The following GUCY1A1 variants were observed in gnomAD, a reference collection of about 807,000 sequenced individuals.
GUCY1A1 encodes guanylate cyclase 1 soluble subunit alpha 1.
Under a neutral mutation model 64.5 loss-of-function variants are expected in GUCY1A1, and 48 were observed. That is an observed-to-expected ratio of 0.74 (90% CI 0.59 to 0.95). GUCY1A1 has a LOEUF of 0.95. Ranked by LOEUF, GUCY1A1 falls within the 40% of genes least tolerant of loss-of-function variation. The pLI, the probability that GUCY1A1 is intolerant of heterozygous loss-of-function variation, is 0.00. For synonymous variants in GUCY1A1, 308 were observed against 303.4 expected, an observed-to-expected ratio of 1.02 and a Z score of -0.16; for missense variants, 804 against 825.3, an observed-to-expected ratio of 0.97 and a Z score of 0.32.
At chr4:155,724,123 C>T (rs1395443048) in intron 9 of GUCY1A1, among the ~76,000 whole-genome samples, 1 of 152,086 alleles carries the variant, frequency 6.6e-6, no homozygotes, top group African/African-American at 2.4e-5. Context: ...TCATCTCCTC[C>T]TTCTTTGTTC....
In GUCY1A1 at chr4:155,710,645, A is replaced by G. The variant is rs767132045; in HGVS notation, c.480A>G (p.Lys160=). The change falls in exon 6 of 10, where the codon AAA becomes AAG. Residue 160 remains lysine, a synonymous_variant. Coordinates refer to ENST00000506455, the MANE Select transcript of GUCY1A1 (RefSeq NM_001130682.3). The part of the protein sequence containing the change: ...NILGVVGGTL[K]DFLNSFSTLL... ...TTGGGGTGGTTGGAGGCACCCTTAAAGATTTTTTAAACAGCTTCAGTACCC... is the reference window on the plus strand; with the variant it reads ...TTGGGGTGGTTGGAGGCACCCTTAAGGATTTTTTAAACAGCTTCAGTACCC... The G allele has an allele frequency of 2.5e-6, 4 of 1,613,694 alleles. No homozygotes were observed. Among genetic ancestry groups the G allele is most frequent in the Non-Finnish European group, 3.4e-6 (4 of 1,179,726 alleles).
chr4:155,724,996 C>G (rs1263977074), intron 9 of GUCY1A1, among the ~76,000 whole-genome samples: 1 of 152,072 alleles, frequency 6.6e-6, no homozygotes, highest in Non-Finnish European at 1.5e-5. Flanking sequence ...ATCGACCTTA[C>G]AGTGATCATT....
intron 2 of GUCY1A1, among the ~76,000 whole-genome samples, chr4:155,671,582 C>A (rs1734147859): frequency 6.6e-6 from 1 of 152,112 alleles, no homozygotes; most frequent in Non-Finnish European, 1.5e-5. Flanking sequence ...AGCAGAGGAC[C>A]ATACTTTTTA....
chr4:155,705,410 A>G (rs576549703), intron 4 of GUCY1A1, among the ~76,000 whole-genome samples: 2 of 151,912 alleles, frequency 1.3e-5, no homozygotes, highest in African/African-American at 4.8e-5. Flanking sequence ...TTAGCCAGGC[A>G]TGGTGGCAGA....
At chr4:155,673,567 C>A (rs1381556185) in intron 2 of GUCY1A1, among the ~76,000 whole-genome samples, 3 of 151,200 alleles carry the variant, frequency 2.0e-5, no homozygotes, top group Non-Finnish European at 2.9e-5. Flanking sequence ...ATGTGGCAAA[C>A]AGTAGGAAGA....
At chr4:155,688,968 A>G (rs953422188) in intron 2 of GUCY1A1, among the ~76,000 whole-genome samples, 1 of 151,786 alleles carries the variant, frequency 6.6e-6, no homozygotes, top group Non-Finnish European at 1.5e-5. Flanking sequence ...TATGGAGACA[A>G]GAGAAAAATA....
intron 9 of GUCY1A1, among the ~76,000 whole-genome samples, chr4:155,727,026 T>C (rs1210325194): frequency 1.3e-5 from 2 of 152,026 alleles, no homozygotes; most frequent in East Asian, 1.9e-4. Flanking sequence ...TCTGAGCACA[T>C]TGTGCTAGAG....
chr4:155,721,845 G>A (rs1733991958), intron 8 of GUCY1A1, among the ~76,000 whole-genome samples, 193 bp from the exon 9 acceptor site: 1 of 152,136 alleles, frequency 6.6e-6, no homozygotes, highest in African/African-American at 2.4e-5. Flanking sequence ...GTTAAGAAGT[G>A]TGACTGTTGA....
chr4:155,673,981 A>C (rs1053276490), intron 2 of GUCY1A1, among the ~76,000 whole-genome samples: 1 of 151,466 alleles, frequency 6.6e-6, no homozygotes, highest in Non-Finnish European at 1.5e-5. Flanking sequence ...TTGTGGAGAG[A>C]GGTACCATTT....
At position 155,711,060 on chromosome 4, in the gene GUCY1A1, C is replaced by A. The variant is rs201665938; in HGVS notation, c.895C>A (p.Leu299Met). ...CATGTTTGACAAAGATATGACAATTCTGCAATTTGGCAATGGCATCAGAAG... is the reference window on the plus strand; with the variant it reads ...CATGTTTGACAAAGATATGACAATTATGCAATTTGGCAATGGCATCAGAAG... ...HFMFDKDMTI[L>M]QFGNGIRRLM... Residue 299 changes from leucine (L) to methionine (M), a missense_variant, in exon 6 of 10, where the codon CTG (leucine) becomes ATG (methionine). By Grantham distance (15) the Leu-to-Met change is conservative. Coordinates refer to ENST00000506455, the MANE Select transcript of GUCY1A1 (RefSeq NM_001130682.3). The A allele has an allele frequency of 1.2e-5, 19 of 1,613,958 alleles. No individual in the cohort carries two copies. Among genetic ancestry groups the A allele is most frequent in the Admixed American group, 1.7e-5 (1 of 60,016 alleles).
At chr4:155,697,359 CTT>C (rs1730553814) in intron 3 of GUCY1A1, among the ~76,000 whole-genome samples, 1 of 152,124 alleles carries the variant, frequency 6.6e-6, no homozygotes, top group Admixed American at 6.6e-5. Flanking sequence ...GTCTGACAAA[CTT>C]TATGATTTTG....
At chr4:155,701,802 C>CA (rs34761852) in intron 3 of GUCY1A1, among the ~76,000 whole-genome samples, 30,704 of 99,296 alleles carry the variant, frequency 0.31, 3,645 homozygotes, top group Middle Eastern at 0.43. Context: ...ACTCTATATC[C>CA]AAAAAAAAAA....
chr4:155,730,388 A>G lies in GUCY1A1; in HGVS notation c.*157A>G, dbSNP rs1735400507. On this transcript the variant is annotated 3_prime_UTR_variant, in exon 10 of 10. Coordinates refer to ENST00000506455, the MANE Select transcript of GUCY1A1 (RefSeq NM_001130682.3). ...TCTCCTGTTTAACATGACAAAATGT[A>G]TGTACTCACTTCAGTACTTCAGCTC... The G allele has an allele frequency of 2.6e-6, 1 of 390,688 alleles. No homozygotes were observed. The highest frequency in any genetic ancestry group is 4.2e-6 in the Non-Finnish European group (1 of 236,258). The allele number at this position is 390,688 out of a possible 1,614,324, so 24.2% of individuals were successfully genotyped here.
chr4:155,715,050 C>T (rs903105519), intron 7 of GUCY1A1, among the ~76,000 whole-genome samples: 3 of 152,084 alleles, frequency 2.0e-5, no homozygotes, highest in African/African-American at 7.2e-5. Context: ...AGTATCCTGA[C>T]AAGCATTTTG....
rs142205240 is a variant in GUCY1A1, at chr4:155,730,043, T to C, written c.1885T>C (p.Cys629Arg). The change falls in exon 10 of 10, where the codon TGT (cysteine) becomes CGT (arginine). Residue 629 changes from cysteine (C) to arginine (R), a missense_variant. Physicochemically the swap from Cys to Arg is radical, Grantham distance 180. Coordinates refer to ENST00000506455, the MANE Select transcript of GUCY1A1 (RefSeq NM_001130682.3). Reference protein sequence around the residue: ...SPTTYRLLKDCPGFVFTPRSR... With the variant: ...SPTTYRLLKDRPGFVFTPRSR... Reference sequence around the variant, plus strand: ...TAATATTTTCAGATTACTCAAAGACTGTCCTGGTTTCGTGTTTACCCCTCG... The same window carrying C: ...TAATATTTTCAGATTACTCAAAGACCGTCCTGGTTTCGTGTTTACCCCTCG... 11 of 1,599,446 alleles carry C rather than the reference T, an allele frequency of 6.9e-6. No individual in the cohort carries two copies. Among genetic ancestry groups the C allele is most frequent in the Non-Finnish European group, 9.4e-6 (11 of 1,167,314 alleles).
At chr4:155,674,730 C>A (rs1734654968) in intron 2 of GUCY1A1, among the ~76,000 whole-genome samples, 1 of 151,458 alleles carries the variant, frequency 6.6e-6, no homozygotes, top group African/African-American at 2.5e-5. Context: ...GAATACAATG[C>A]CTTCTTCTGG....
chr4:155,669,395 C>A (rs913252329), intron 2 of GUCY1A1, among the ~76,000 whole-genome samples: 1 of 151,530 alleles, frequency 6.6e-6, no homozygotes, highest in Non-Finnish European at 1.5e-5. Flanking sequence ...ATAAATAGCC[C>A]CTTAAAGGTC....
At chr4:155,678,641 A>G (rs1029700858) in intron 2 of GUCY1A1, among the ~76,000 whole-genome samples, 2 of 152,236 alleles carry the variant, frequency 1.3e-5, no homozygotes, top group Non-Finnish European at 2.9e-5. Flanking sequence ...GGGAGGGTTC[A>G]CACTTTTACT....
At chr4:155,673,896 A>AC (rs1295705713) in intron 2 of GUCY1A1, among the ~76,000 whole-genome samples, 1 of 151,414 alleles carries the variant, frequency 6.6e-6, no homozygotes, top group Non-Finnish European at 1.5e-5. Flanking sequence ...TTTTCCTGTA[A>AC]CACATTGTGC....
Sources: allele counts gnomAD v4.1 joint callset (sites outside exome capture counted in the v4.1 genomes callset), GRCh38; gene constraint gnomAD v4.1.1; transcripts MANE v1.5; gene names NCBI Gene and HGNC (gene_info 2026-07-23, HGNC 2026-07-21).